The following PRODH2 variants were observed in gnomAD, a reference collection of about 807,000 sequenced individuals.
The protein encoded by PRODH2 is hydroxyproline dehydrogenase.
PRODH2 carries 49 observed loss-of-function variants against 51.9 expected under a neutral mutation model. That is an observed-to-expected ratio of 0.94 (90% CI 0.75 to 1.20). The LOEUF (loss-of-function observed/expected upper bound fraction) is 1.20, where lower values mean the gene tolerates loss of function less well. Ranked by LOEUF, PRODH2 falls within the 50% of genes most tolerant of loss-of-function variation. The pLI, the probability that PRODH2 is intolerant of heterozygous loss-of-function variation, is 0.00. For missense variants in PRODH2, 597 were observed against 610.9 expected, an observed-to-expected ratio of 0.98 and a Z score of 0.24; for synonymous variants, 249 against 260.7, an observed-to-expected ratio of 0.96 and a Z score of 0.43.
At chr19:35,803,983 C>T (rs1050425518) in intron 7 of PRODH2, among the ~76,000 whole-genome samples, 2 of 152,168 alleles carry the variant, frequency 1.3e-5, no homozygotes, top group African/African-American at 2.4e-5. Context: ...CTCTGCCCCT[C>T]AGGAAGCTGA....
At position 35,802,358 on chromosome 19, in the gene PRODH2, C is replaced by T. The variant is rs574891556; in HGVS notation, c.1113-82G>A. The T allele has an allele frequency of 1.2e-4, 139 of 1,175,660 alleles. No homozygotes were observed. In the African/African-American group the frequency reaches 1.8e-3, roughly 15 times the overall value. The allele number at this position is 1,175,660 out of a possible 1,614,324, so 72.8% of individuals were successfully genotyped here. ...CAGCCACTATGCACCCATATGGCGGCTCCAGTAATTCAAACATTGAAGTAT... is the reference window on the plus strand; with the variant it reads ...CAGCCACTATGCACCCATATGGCGGTTCCAGTAATTCAAACATTGAAGTAT... On this transcript the variant is annotated intron_variant, in intron 8 of 9. Coordinates refer to ENST00000653904, the MANE Select transcript of PRODH2 (RefSeq NM_021232.2).
At position 35,802,120 on chromosome 19, in the gene PRODH2, TAGG is replaced by T. The variant is rs756914132; in HGVS notation, c.1198+68_1198+70del. On this transcript the variant is annotated intron_variant, in intron 9 of 9. Coordinates refer to ENST00000653904, the MANE Select transcript of PRODH2 (RefSeq NM_021232.2). Reference sequence around the variant, plus strand: ...CTGGAGGCTGGGCCTTGGTTGGGAATAGGAGAAGGGCTCTGGCTGGGAGGGAGT... The same window carrying T: ...CTGGAGGCTGGGCCTTGGTTGGGAATAGAAGGGCTCTGGCTGGGAGGGAGT... 5.4e-4 allele frequency: 769 copies of T among 1,430,432 alleles called. 2 individuals carry two copies. Among genetic ancestry groups the T allele is most frequent in the Non-Finnish European group, 6.9e-4 (703 of 1,015,112 alleles). The allele number at this position is 1,430,432 out of a possible 1,614,324, so 88.6% of individuals were successfully genotyped here.
At chr19:35,810,800 C>T (rs953203953) in intron 4 of PRODH2, among the ~76,000 whole-genome samples, 6 of 152,274 alleles carry the variant, frequency 3.9e-5, no homozygotes, top group Non-Finnish European at 8.8e-5. Flanking sequence ...GGATTACAGG[C>T]GTGAGCCACT....
intron 7 of PRODH2, 144 bp downstream of exon 7, chr19:35,806,286 G>T: frequency 9.7e-7 from 1 of 1,026,078 alleles, no homozygotes; most frequent in Non-Finnish European, 1.4e-6. Flanking sequence ...GTCTCCCTGT[G>T]TTGCCCAGGC....
In PRODH2 at chr19:35,812,671, C is replaced by T. The variant is rs768194114; in HGVS notation, c.135G>A (p.Arg45=). ...GELTRALLVL[R]LCAWPPLVTH... ...TGACGAGTGGGGGCCAGGCACACAG[C>T]CGGAGAACCAGCAAGGCCCGTGTCA... Residue 45 remains arginine (R), a synonymous_variant, in exon 1 of 10, where the codon CGG becomes CGA. Coordinates refer to ENST00000653904, the MANE Select transcript of PRODH2 (RefSeq NM_021232.2). 5 of 1,600,984 alleles carry T rather than the reference C, an allele frequency of 3.1e-6. No individual in the cohort carries two copies. The highest frequency in any genetic ancestry group is 4.3e-6 in the Non-Finnish European group (5 of 1,171,620).
At chr19:35,808,812 C>CTT (rs1555755838) in intron 4 of PRODH2, among the ~76,000 whole-genome samples, 20 of 131,218 alleles carry the variant, frequency 1.5e-4, no homozygotes, top group African/African-American at 4.6e-4. Context: ...TTCCTTCCTT[C>CTT]TTTTTTTTTT....
At chr19:35,807,591 C>A (rs1287336781) in intron 4 of PRODH2, among the ~76,000 whole-genome samples, 4 of 151,994 alleles carry the variant, frequency 2.6e-5, no homozygotes, top group Non-Finnish European at 5.9e-5. Context: ...GTGTGAGCCA[C>A]CGTGCTCAGC....
At chr19:35,802,344 C>T (rs1247130359) in intron 8 of PRODH2, 68 bp from the exon 9 acceptor site, 2 of 1,329,344 alleles carry the variant, frequency 1.5e-6, no homozygotes, top group Admixed American at 3.4e-5. Flanking sequence ...AGCCACTATG[C>T]ACCCATATGG....
intron 4 of PRODH2, among the ~76,000 whole-genome samples, chr19:35,809,466 A>G (rs1428919550): frequency 6.6e-6 from 1 of 152,080 alleles, no homozygotes; most frequent in Non-Finnish European, 1.5e-5. Context: ...TGAGCCTCCA[A>G]TTTCAGCCTC....
intron 3 of PRODH2, 21 bp downstream of exon 3, chr19:35,812,113 C>A (rs1972620628): frequency 2.5e-6 from 4 of 1,613,216 alleles, no homozygotes; most frequent in Non-Finnish European, 2.5e-6. Flanking sequence ...CTCCCCGCAC[C>A]CCCGTCTTTG....
At chr19:35,811,853 C>T in intron 4 of PRODH2, 109 bp downstream of exon 4, 1 of 1,077,786 alleles carries the variant, frequency 9.3e-7, no homozygotes. Flanking sequence ...CTTCTGCTGG[C>T]TGTTCCAAGC....
intron 9 of PRODH2, among the ~76,000 whole-genome samples, chr19:35,801,337 C>CA (rs1158945112): frequency 6.6e-6 from 1 of 151,792 alleles, no homozygotes; most frequent in Non-Finnish European, 1.5e-5. Context: ...GTGGTGGCAG[C>CA]CGTCTGTAAT....
intron 7 of PRODH2, among the ~76,000 whole-genome samples, chr19:35,806,134 G>T (rs1972507670): frequency 1.3e-5 from 2 of 152,136 alleles, no homozygotes; most frequent in South Asian, 4.1e-4. Flanking sequence ...TGCCCAGGCT[G>T]AAGTGCAGTG....
chr19:35,808,358 A>G (rs1972545777), intron 4 of PRODH2, among the ~76,000 whole-genome samples: 1 of 152,190 alleles, frequency 6.6e-6, no homozygotes. Context: ...ATTATATCCA[A>G]CAGGGTCGAT....
chr19:35,802,450 G>C, intron 8 of PRODH2, 174 bp from the exon 9 acceptor site: 1 of 655,474 alleles, frequency 1.5e-6, no homozygotes, highest in South Asian at 1.8e-5. Flanking sequence ...GTGACTCCCA[G>C]CCAGTTCCCT....
At position 35,812,540 on chromosome 19, in the gene PRODH2, C is replaced by T. The variant is rs140649526; in HGVS notation, c.191G>A (p.Arg64Gln). ...TGAGAGCCGGGAGCCCAGGAGTCGC[C>T]GAGACCAGGCCTGGAGCTGGGTGAC... Reference protein sequence around the residue: ...THGLLLQAWSRRLLGSRLSGA... With the variant: ...THGLLLQAWSQRLLGSRLSGA... The change falls in exon 2 of 10, where the codon CGG (arginine) becomes CAG (glutamine). Residue 64 changes from arginine to glutamine, a missense_variant. By Grantham distance (43) the Arg-to-Gln change is conservative (BLOSUM62 1). Coordinates refer to ENST00000653904, the MANE Select transcript of PRODH2 (RefSeq NM_021232.2). 129 of 1,613,766 alleles carry T rather than the reference C, an allele frequency of 8.0e-5. 1 individual carries two copies. The highest frequency in any genetic ancestry group is 2.0e-4 in the South Asian group (18 of 91,062).
intron 7 of PRODH2, 76 bp from the exon 8 acceptor site, chr19:35,803,154 C>T: frequency 2.9e-6 from 3 of 1,022,372 alleles, no homozygotes; most frequent in Non-Finnish European, 2.8e-6. Context: ...GTGGGGTGCT[C>T]CTAAGCAAGG....
chr19:35,810,327 A>T (rs887570791), intron 4 of PRODH2, among the ~76,000 whole-genome samples: 2 of 151,050 alleles, frequency 1.3e-5, no homozygotes, highest in African/African-American at 4.8e-5. Flanking sequence ...TACAAATAAA[A>T]AAAGGTTAGA....
intron 7 of PRODH2, among the ~76,000 whole-genome samples, chr19:35,804,407 T>G (rs1647664896): frequency 6.6e-6 from 1 of 152,232 alleles, no homozygotes; most frequent in Admixed American, 6.5e-5. Flanking sequence ...TAAAACCCTT[T>G]GTGCAGAATT....
Sources: gnomAD v4.1 joint callset for allele counts (sites outside exome capture counted in the v4.1 genomes callset) on GRCh38, gnomAD v4.1.1 for gene constraint, MANE v1.5 for transcripts, NCBI Gene and HGNC (gene_info 2026-07-23, HGNC 2026-07-21) for gene names.